The following PRKD1 variants were observed in gnomAD, a reference collection of about 807,000 sequenced individuals.
The protein encoded by PRKD1 is protein kinase D1, also known as serine/threonine-protein kinase D1.
A neutral mutation model predicts 95.9 loss-of-function variants in PRKD1; 63 were observed. The observed-to-expected ratio is 0.66, with a 90% CI of 0.54 to 0.81. PRKD1 has a LOEUF of 0.81. Among genes scored for constraint, PRKD1 ranks in the 30% least tolerant of loss-of-function variants. PRKD1 has a pLI of 0.00. For missense variants in PRKD1, 1,048 were observed against 1,165.3 expected (o/e 0.90, Z 1.47); for synonymous variants, 425 against 423.1 (o/e 1.00, Z -0.05).
At chr14:29,761,446 C>T (rs1216670413) in intron 1 of PRKD1, among the ~76,000 whole-genome samples, 2 of 152,150 alleles carry the variant, frequency 1.3e-5, no homozygotes, top group Admixed American at 1.3e-4. Flanking sequence ...ACTAATAGCA[C>T]TCAAATAGGG....
chr14:29,826,770 C>T lies in PRKD1; in HGVS notation c.264+100479G>A, dbSNP rs868441012. Among the ~76,000 whole-genome samples the T allele has an allele frequency of 8.6e-3, 253 of 29,286 alleles. 27 individuals are homozygous for T. Among genetic ancestry groups the T allele is most frequent in the African/African-American group, 0.025 (199 of 7,852 alleles). The allele number at this position is 29,286 out of a possible 152,430, so 19.2% of individuals were successfully genotyped here. On this transcript the variant is annotated intron_variant, in intron 1 of 17. Coordinates refer to ENST00000331968, the MANE Select transcript of PRKD1 (RefSeq NM_002742.3). ...ACATATATATATACATATATATATA[C>T]ACATATATATACATATATACACATA... is the stretch of plus-strand genomic sequence containing the variant.
At chr14:29,626,585 AC>A in intron 11 of PRKD1, 29 bp from the exon 12 acceptor site, 1 of 1,491,248 alleles carries the variant, frequency 6.7e-7, no homozygotes, top group Non-Finnish European at 9.1e-7. Context: ...TGAAAAAAAA[AC>A]ATGAAGCAGA....
chr14:29,786,852 ATTTC>A (rs1300945477), intron 1 of PRKD1, among the ~76,000 whole-genome samples: 9 of 149,440 alleles, frequency 6.0e-5, no homozygotes, highest in Non-Finnish European at 1.2e-4. Context: ...TCTGATCTTT[ATTTC>A]TTTCCTTCAA....
chr14:29,730,125 A>C (rs1276897044), intron 1 of PRKD1, among the ~76,000 whole-genome samples: 2 of 152,096 alleles, frequency 1.3e-5, no homozygotes, highest in East Asian at 3.8e-4. Flanking sequence ...AATAGCAAGA[A>C]AACAAATAAT....
At chr14:29,653,532 T>C (rs562625877) in intron 4 of PRKD1, among the ~76,000 whole-genome samples, 1 of 152,276 alleles carries the variant, frequency 6.6e-6, no homozygotes, top group East Asian at 1.9e-4. Flanking sequence ...TCATCCAATA[T>C]CTTAAATTCT....
chr14:29,885,804 T>TAAAAAAAAAAAAA lies in PRKD1; in HGVS notation c.264+41432_264+41444dup, dbSNP rs759317394. Among the ~76,000 whole-genome samples the TAAAAAAAAAAAAA allele has an allele frequency of 1.3e-3, 67 of 53,480 alleles. 11 individuals are homozygous for TAAAAAAAAAAAAA. The highest frequency in any genetic ancestry group is 0.013 in the Middle Eastern group (1 of 76). The allele number at this position is 53,480 out of a possible 152,430, so 35.1% of individuals were successfully genotyped here. A position where few individuals can be genotyped will look rare whatever the true frequency, so the allele number is the denominator to read the frequency against. On this transcript the variant is annotated intron_variant, in intron 1 of 17. Transcript: ENST00000331968. ...CAACATGGTGAAACCCCATCTTTAC[T>TAAAAAAAAAAAAA]AAAAAAAAAAAAAAAAAAAAAAAAA...
chr14:29,644,467 A>G (rs1428976423), intron 4 of PRKD1, among the ~76,000 whole-genome samples: 2 of 152,204 alleles, frequency 1.3e-5, no homozygotes, highest in East Asian at 1.9e-4. Context: ...CTACAGCTCA[A>G]TTAGTTCTAA....
At chr14:29,611,799 T>C (rs781470904) in intron 13 of PRKD1, among the ~76,000 whole-genome samples, 28 of 151,714 alleles carry the variant, frequency 1.8e-4, no homozygotes, top group Admixed American at 6.6e-4. Context: ...TAATGGTTTA[T>C]AAAAATTGAA....
chr14:29,677,640 A>G (rs1036349762), intron 2 of PRKD1, among the ~76,000 whole-genome samples: 1 of 152,186 alleles, frequency 6.6e-6, no homozygotes, highest in African/African-American at 2.4e-5. Context: ...CAGTGGCACA[A>G]TCTCGGCTCA....
At chr14:29,827,387 A>G (rs531582142) in intron 1 of PRKD1, among the ~76,000 whole-genome samples, 5 of 152,224 alleles carry the variant, frequency 3.3e-5, no homozygotes, top group African/African-American at 9.6e-5. Flanking sequence ...TTATGGTTAG[A>G]TGGCACAAAG....
At chr14:29,699,072 A>G (rs1451471082) in intron 2 of PRKD1, among the ~76,000 whole-genome samples, 2 of 152,220 alleles carry the variant, frequency 1.3e-5, no homozygotes, top group East Asian at 3.8e-4. Context: ...TGGCAATGAC[A>G]TATCAAAATT....
At chr14:29,901,269 T>C (rs1894308585) in intron 1 of PRKD1, among the ~76,000 whole-genome samples, 1 of 152,106 alleles carries the variant, frequency 6.6e-6, no homozygotes, top group South Asian at 2.1e-4. Flanking sequence ...TTCTCACATA[T>C]AAATGGGAGC....
chr14:29,800,060 C>T (rs1224706097), intron 1 of PRKD1, among the ~76,000 whole-genome samples: 1 of 152,106 alleles, frequency 6.6e-6, no homozygotes, highest in Non-Finnish European at 1.5e-5. Flanking sequence ...AAACTCAGTT[C>T]AGGCATGGGT....
At chr14:29,872,656 T>TAA (rs535984977) in intron 1 of PRKD1, among the ~76,000 whole-genome samples, 1,338 of 118,916 alleles carry the variant, frequency 0.011, 5 homozygotes, top group Non-Finnish European at 0.019. Flanking sequence ...ACTTTGTCTC[T>TAA]AAAAAAAAAA....
At chr14:29,745,085 C>G (rs1480138500) in intron 1 of PRKD1, among the ~76,000 whole-genome samples, 1 of 152,158 alleles carries the variant, frequency 6.6e-6, no homozygotes, top group Non-Finnish European at 1.5e-5. Context: ...TTGCAATATG[C>G]TTTTCCTCTA....
chr14:29,927,334 T>C lies in PRKD1; in HGVS notation c.179A>G (p.Glu60Gly). The change falls in exon 1 of 18, where the codon GAG becomes GGG. Residue 60 changes from glutamate (E) to glycine (G), a missense_variant. Glu to Gly is a moderately conservative substitution (Grantham distance 98, BLOSUM62 -2). This residue lies in a region of PRKD1 where 275 missense variants were observed against 248.6 expected (regional missense o/e 1.11). Transcript: ENST00000331968. Reference protein sequence around the residue: ...SFHLQIGLSREPVLLLQDSSG... With the variant: ...SFHLQIGLSRGPVLLLQDSSG... ...CGAGTCCTGCAGCAGCAGCACCGGC[T>C]CACGGCTCAGGCCGATCTGCAGATG... 1 of 1,565,332 alleles carries C rather than the reference T, an allele frequency of 6.4e-7. No individual in the cohort carries two copies.
chr14:29,724,894 A>T (rs1238381384), intron 2 of PRKD1, among the ~76,000 whole-genome samples: 1 of 152,210 alleles, frequency 6.6e-6, no homozygotes, highest in Non-Finnish European at 1.5e-5. Context: ...GGTGCTTTTT[A>T]AAAAGGTTAA....
chr14:29,664,055 TG>T (rs1357198345), intron 3 of PRKD1, among the ~76,000 whole-genome samples, 196 bp from the exon 4 acceptor site: 1 of 152,172 alleles, frequency 6.6e-6, no homozygotes, highest in African/African-American at 2.4e-5. Context: ...CTGATCTTAT[TG>T]CACAAGCTCA....
chr14:29,714,159 A>C (rs906498428), intron 2 of PRKD1, among the ~76,000 whole-genome samples: 1 of 152,194 alleles, frequency 6.6e-6, no homozygotes, highest in Non-Finnish European at 1.5e-5. Flanking sequence ...ATGTAATAAG[A>C]GTAATATTTC....
Sources: gnomAD v4.1 joint callset for allele counts (sites outside exome capture counted in the v4.1 genomes callset) on GRCh38, gnomAD v4.1.1 for gene constraint, gnomAD v4.1.1 regional missense constraint, MANE v1.5 for transcripts, NCBI Gene and HGNC (gene_info 2026-07-23, HGNC 2026-07-21) for gene names.